Variants in SP100 observed in about 807,000 individuals in gnomAD.
SP100 encodes the protein nuclear autoantigen Sp-100.
SP100 carries 84 observed loss-of-function variants against 130.0 expected under a neutral mutation model. The observed-to-expected ratio is 0.65, with a 90% confidence interval of 0.54 to 0.77. The LOEUF (loss-of-function observed/expected upper bound fraction) is 0.77. SP100 is among the 30% of genes least tolerant of loss of function. The pLI is 0.00. For synonymous variants in SP100, 331 were observed against 351.7 expected, an observed-to-expected ratio of 0.94 and a Z score of 0.66; for missense variants, 978 against 1,052.2, an observed-to-expected ratio of 0.93 and a Z score of 0.97.
Position 230,472,155 on chromosome 2 carries a change from G to A in SP100, c.1430-1169G>A, listed in dbSNP as rs576629009. ...GTCAAGATCAAGATAAGGGCCAGGC[G>A]CAGTGACTCATGCCTGTAATCCCAG... is the stretch of plus-strand genomic sequence containing the variant. On this transcript the variant is annotated intron_variant, in intron 15 of 28. Coordinates refer to ENST00000340126, the MANE Select transcript of SP100 (RefSeq NM_001080391.2). Among the ~76,000 whole-genome samples, 160 of 152,188 alleles carry A rather than the reference G, an allele frequency of 1.1e-3. 1 individual carries two copies. Among genetic ancestry groups the A allele is most frequent in the African/African-American group, 3.7e-3 (153 of 41,520 alleles).
chr2:230,417,750 A>T, intron 2 of SP100, 85 bp downstream of exon 2: 1 of 1,527,684 alleles, frequency 6.5e-7, no homozygotes, highest in Non-Finnish European at 8.8e-7. Context: ...TTTCTTGGCC[A>T]TTTAAATTCC....
intron 2 of SP100, among the ~76,000 whole-genome samples, chr2:230,433,560 T>C (rs1020274708): frequency 1.3e-5 from 2 of 152,140 alleles, no homozygotes; most frequent in Non-Finnish European, 2.9e-5. Context: ...GGAATCATAC[T>C]GAGTCTCTAG....
intron 8 of SP100, among the ~76,000 whole-genome samples, chr2:230,456,775 T>A (rs1417117919): frequency 6.6e-6 from 1 of 152,226 alleles, no homozygotes; most frequent in Non-Finnish European, 1.5e-5. Context: ...AATTTCAATA[T>A]CTCTGTTAAA....
intron 17 of SP100, among the ~76,000 whole-genome samples, chr2:230,486,950 G>A (rs1218747659): frequency 3.9e-5 from 6 of 152,178 alleles, no homozygotes; most frequent in Non-Finnish European, 7.4e-5. Flanking sequence ...TTGTTTTCAT[G>A]TTCATTGGCC....
intron 24 of SP100, chr2:230,515,684 G>C: frequency 6.4e-7 from 1 of 1,566,252 alleles, no homozygotes; most frequent in East Asian, 2.2e-5. Context: ...AAGCATTTAA[G>C]CTGCCTGTAC....
chr2:230,533,169 G>C (rs1380817009), intron 24 of SP100, among the ~76,000 whole-genome samples: 1 of 152,172 alleles, frequency 6.6e-6, no homozygotes, highest in East Asian at 1.9e-4. Context: ...GTATCTAAAT[G>C]AAAGGAGATT....
At chr2:230,438,646 TATACACACACAC>T (rs1235908523) in intron 2 of SP100, among the ~76,000 whole-genome samples, 4 of 98,956 alleles carry the variant, frequency 4.0e-5, no homozygotes, top group African/African-American at 7.2e-5. Context: ...GGTGTATATA[TATACACACACAC>T]ACACACACAC....
At chr2:230,440,630 T>A (rs1357084695) in intron 2 of SP100, 43 of 1,296,280 alleles carry the variant, frequency 3.3e-5, no homozygotes, top group Non-Finnish European at 4.1e-5. Context: ...CCCAAATTTA[T>A]CTGTAGCTTC....
chr2:230,540,856 C>T lies in SP100; in HGVS notation c.2211-20C>T, dbSNP rs746474492. On this transcript the variant is annotated intron_variant, in intron 25 of 28. Transcript: ENST00000340126. ...GATTCACAGAACCTGCCATTGCTCA[C>T]TTTATGCCCCATCTCTCAGGAACCC... 6.2e-7 allele frequency: 1 copy of T among 1,606,072 alleles called. No individual in the cohort carries two copies. Among genetic ancestry groups the T allele is most frequent in the Non-Finnish European group, 8.5e-7 (1 of 1,175,008 alleles).
At chr2:230,429,054 A>G (rs904798265) in intron 2 of SP100, among the ~76,000 whole-genome samples, 1 of 152,176 alleles carries the variant, frequency 6.6e-6, no homozygotes, top group Admixed American at 6.5e-5. Context: ...GATTTTGTAT[A>G]TTTATATATT....
chr2:230,489,308 T>C (rs936832665), intron 17 of SP100, among the ~76,000 whole-genome samples: 3 of 152,222 alleles, frequency 2.0e-5, no homozygotes, highest in Non-Finnish European at 2.9e-5. Flanking sequence ...TTTATTTGTG[T>C]AGAGGTGTTT....
At chr2:230,534,399 C>T (rs906476487) in intron 24 of SP100, among the ~76,000 whole-genome samples, 1 of 152,032 alleles carries the variant, frequency 6.6e-6, no homozygotes, top group Non-Finnish European at 1.5e-5. Flanking sequence ...GAGCGAGACT[C>T]CGTCTCAAAA....
chr2:230,423,071 T>C (rs996222897), intron 2 of SP100, among the ~76,000 whole-genome samples: 1 of 152,216 alleles, frequency 6.6e-6, no homozygotes, highest in African/African-American at 2.4e-5. Flanking sequence ...ACAGACATCA[T>C]CTGTTCCTTG....
At chr2:230,426,952 CAGTTGTTGT>C (rs1278052429) in intron 2 of SP100, among the ~76,000 whole-genome samples, 1 of 151,660 alleles carries the variant, frequency 6.6e-6, no homozygotes, top group African/African-American at 2.4e-5. Context: ...AAAATATTTA[CAGTTGTTGT>C]ATCCTCTTGA....
chr2:230,456,392 C>G (rs1195412665), intron 8 of SP100, among the ~76,000 whole-genome samples: 1 of 152,160 alleles, frequency 6.6e-6, no homozygotes, highest in Non-Finnish European at 1.5e-5. Flanking sequence ...TTGGTGTAGT[C>G]GTGTTTGCAC....
At chr2:230,450,782 G>T (rs186605330) in intron 8 of SP100, among the ~76,000 whole-genome samples, 2 of 152,246 alleles carry the variant, frequency 1.3e-5, no homozygotes, top group African/African-American at 4.8e-5. Flanking sequence ...GTTCATGGTT[G>T]TTGTTGCAAA....
At chr2:230,453,408 C>T (rs879278299) in intron 8 of SP100, among the ~76,000 whole-genome samples, 1 of 152,172 alleles carries the variant, frequency 6.6e-6, no homozygotes, top group African/African-American at 2.4e-5. Flanking sequence ...AGAGGGAAAT[C>T]TTTCAGTTTT....
intron 3 of SP100, 128 bp from the exon 4 acceptor site, chr2:230,444,049 AT>A: frequency 2.9e-6 from 2 of 686,302 alleles, no homozygotes; most frequent in Non-Finnish European, 4.6e-6. Flanking sequence ...ATAAGTAAAA[AT>A]TATAGAACCT....
chr2:230,462,973 G>A (rs73000277), intron 10 of SP100, among the ~76,000 whole-genome samples: 36,645 of 152,096 alleles, frequency 0.24, 5,079 homozygotes, highest in Non-Finnish European at 0.32. Flanking sequence ...ATCTGGTGTT[G>A]GCAAAAACAA....
Sources: gnomAD v4.1 joint callset for allele counts (sites outside exome capture counted in the v4.1 genomes callset) on GRCh38, gnomAD v4.1.1 for gene constraint, MANE v1.5 for transcripts, NCBI Gene and HGNC (gene_info 2026-07-23, HGNC 2026-07-21) for gene names.